Variants in ERG observed in about 807,000 individuals in gnomAD.
The protein encoded by ERG is transcriptional regulator ERG.
ERG carries 9 observed loss-of-function variants against 55.3 expected under a neutral mutation model. The ratio of observed to expected loss-of-function variants is 0.16; its 90% confidence interval spans 0.10 to 0.28. The LOEUF (loss-of-function observed/expected upper bound fraction) is 0.28, where lower values mean the gene tolerates loss of function less well. Among genes scored for constraint, ERG ranks in the 10% least tolerant of loss-of-function variants. ERG has a pLI of 1.00. For missense variants in ERG, 434 were observed against 631.6 expected (o/e 0.69, Z 3.35); for synonymous variants, 223 against 237.3 (o/e 0.94, Z 0.55).
At chr21:38,458,390 C>G (rs756077558) in intron 1 of ERG, among the ~76,000 whole-genome samples, 1 of 148,660 alleles carries the variant, frequency 6.7e-6, no homozygotes, top group Non-Finnish European at 1.5e-5. Context: ...CGCCACTGCA[C>G]TCCAGCCTGG....
At chr21:38,541,963 T>G (rs991671525) in intron 2 of ERG, among the ~76,000 whole-genome samples, 2 of 95,504 alleles carry the variant, frequency 2.1e-5, no homozygotes, top group African/African-American at 8.8e-5. Flanking sequence ...ACCAATAGCT[T>G]CAAAGTAAAA....
chr21:38,410,220 C>T (rs1988981246), intron 3 of ERG, among the ~76,000 whole-genome samples: 1 of 152,218 alleles, frequency 6.6e-6, no homozygotes. Flanking sequence ...CCTTAAGACA[C>T]AAAAGTCCAA....
intron 1 of ERG, among the ~76,000 whole-genome samples, chr21:38,626,656 C>T (rs972287779): frequency 6.6e-5 from 10 of 150,928 alleles, no homozygotes; most frequent in Admixed American, 5.3e-4. Context: ...AAGGGAAGCA[C>T]GTTATGAAAA....
At chr21:38,627,593 A>G (rs1051884426) in intron 1 of ERG, among the ~76,000 whole-genome samples, 2 of 152,216 alleles carry the variant, frequency 1.3e-5, no homozygotes, top group African/African-American at 4.8e-5. Flanking sequence ...TTATTATGTG[A>G]TATTATAGAA....
chr21:38,516,743 G>A (rs2059554857), intron 2 of ERG, among the ~76,000 whole-genome samples: 1 of 151,984 alleles, frequency 6.6e-6, no homozygotes, highest in South Asian at 2.1e-4. Flanking sequence ...AACCAAAAGA[G>A]CATGATACTA....
chr21:38,519,658 T>C (rs1017251701), intron 2 of ERG, among the ~76,000 whole-genome samples: 4 of 152,074 alleles, frequency 2.6e-5, no homozygotes, highest in African/African-American at 9.7e-5. Context: ...GAGAATGAAT[T>C]AGAGAAGTAA....
chr21:38,613,834 T>C (rs460293), intron 1 of ERG, among the ~76,000 whole-genome samples: 151,106 of 152,264 alleles, frequency 0.99, 74,983 homozygotes, highest in East Asian at 1. Flanking sequence ...ACCCCCCCAA[T>C]ACCAACCACA....
At chr21:38,375,741 C>G (rs989848605), downstream of ERG, among the ~76,000 whole-genome samples, 4 of 152,112 alleles carry the variant, frequency 2.6e-5, no homozygotes, top group African/African-American at 9.7e-5. Context: ...GGCTTGATTG[C>G]GCATCACTTG....
At chr21:38,543,574 G>A (rs1304571619) in intron 2 of ERG, among the ~76,000 whole-genome samples, 1 of 151,960 alleles carries the variant, frequency 6.6e-6, no homozygotes, top group Non-Finnish European at 1.5e-5. Context: ...TGGGAAGTGA[G>A]GATGGAGCCA....
intron 1 of ERG, among the ~76,000 whole-genome samples, chr21:38,465,839 A>C (rs2073328931): frequency 6.6e-6 from 1 of 152,218 alleles, no homozygotes; most frequent in Non-Finnish European, 1.5e-5. Context: ...GTCACTGTGA[A>C]TATCTCATCC....
intron 1 of ERG, among the ~76,000 whole-genome samples, chr21:38,495,281 A>G (rs1365671245): frequency 1.3e-5 from 2 of 152,242 alleles, no homozygotes; most frequent in Non-Finnish European, 2.9e-5. Context: ...ATGTCTTTAA[A>G]TTAATAAAAT....
At chr21:38,627,518 G>C (rs941606611) in intron 1 of ERG, among the ~76,000 whole-genome samples, 1 of 151,964 alleles carries the variant, frequency 6.6e-6, no homozygotes. Flanking sequence ...AAAAAAATCA[G>C]CTGAACAACA....
upstream of ERG, among the ~76,000 whole-genome samples, chr21:38,585,949 C>T (rs1024157505): frequency 1.3e-5 from 2 of 149,458 alleles, no homozygotes; most frequent in African/African-American, 4.9e-5. Context: ...CCCAATATTG[C>T]ACAAAGAAAA....
intron 1 of ERG, among the ~76,000 whole-genome samples, chr21:38,468,982 C>CAAAAA (rs1261630693): frequency 1.7e-3 from 50 of 28,990 alleles, no homozygotes; most frequent in East Asian, 5.2e-3. Context: ...GACTCTGTCT[C>CAAAAA]AAAAAAAAAA....
chr21:38,393,598 A>G (rs1289795311), intron 6 of ERG, among the ~76,000 whole-genome samples: 1 of 152,234 alleles, frequency 6.6e-6, no homozygotes, highest in East Asian at 1.9e-4. Flanking sequence ...CTTTAAACAA[A>G]TATTTTAATT....
intron 2 of ERG, among the ~76,000 whole-genome samples, chr21:38,432,278 T>C (rs1990249934): frequency 6.6e-6 from 1 of 152,008 alleles, no homozygotes; most frequent in South Asian, 2.1e-4. Context: ...ATTATTTGTA[T>C]AGATGGGGTC....
intron 1 of ERG, chr21:38,451,111 T>A (rs968905333): frequency 6.5e-6 from 3 of 464,174 alleles, no homozygotes; most frequent in African/African-American, 6.0e-5. Flanking sequence ...AGAGATGGAA[T>A]CACCTAGAGA....
chr21:38,445,210 C>T (rs1227567878), intron 2 of ERG, among the ~76,000 whole-genome samples, 194 bp downstream of exon 2: 4 of 150,930 alleles, frequency 2.7e-5, no homozygotes, highest in East Asian at 1.9e-4. Context: ...GGCATGATCC[C>T]GGCTCACTGC....
chr21:38,470,470 G>A (rs1419662053), intron 1 of ERG, among the ~76,000 whole-genome samples: 3 of 152,134 alleles, frequency 2.0e-5, no homozygotes, highest in Non-Finnish European at 4.4e-5. Context: ...TGTTAAGCTA[G>A]TAAAAATTAT....
Sources: gnomAD v4.1 joint callset for allele counts (sites outside exome capture counted in the v4.1 genomes callset) on GRCh38, gnomAD v4.1.1 for gene constraint, MANE v1.5 for transcripts, NCBI Gene and HGNC (gene_info 2026-07-23, HGNC 2026-07-21) for gene names.